The following MTFR1 variants were observed in gnomAD, a reference collection of about 807,000 sequenced individuals.
MTFR1 encodes chondrocyte protein with a poly-proline region.
In MTFR1, 28 loss-of-function variants were observed where a neutral mutation model predicts 38.8. The observed-to-expected ratio is 0.72, with a 90% CI of 0.53 to 0.99. The LOEUF (loss-of-function observed/expected upper bound fraction) is 0.99, where lower values mean the gene tolerates loss of function less well. Among genes scored for constraint, MTFR1 ranks in the 50% least tolerant of loss-of-function variants. The pLI, the probability that MTFR1 is intolerant of heterozygous loss-of-function variation, is 0.00. For missense variants in MTFR1, 358 were observed against 395.5 expected, an observed-to-expected ratio of 0.91 and a Z score of 0.81; for synonymous variants, 145 against 137.0, an observed-to-expected ratio of 1.06 and a Z score of -0.41.
intron 2 of MTFR1, among the ~76,000 whole-genome samples, chr8:65,678,972 A>G (rs1804799721): frequency 6.6e-6 from 1 of 152,234 alleles, no homozygotes; most frequent in African/African-American, 2.4e-5. Context: ...AGATGGAAAC[A>G]TAATAGTTGA....
chr8:65,755,410 T>G (rs1359033204), intron 3 of MTFR1, among the ~76,000 whole-genome samples: 1 of 152,210 alleles, frequency 6.6e-6, no homozygotes, highest in Non-Finnish European at 1.5e-5. Context: ...TTTGTGTATT[T>G]TTAAATTTAC....
At chr8:65,689,100 G>A (rs1805193644) in intron 3 of MTFR1, among the ~76,000 whole-genome samples, 1 of 152,160 alleles carries the variant, frequency 6.6e-6, no homozygotes, top group African/African-American at 2.4e-5. Context: ...AACTGAGATT[G>A]CGCCACTGCA....
rs192343978 is a variant in MTFR1 at position 65,701,290 on chromosome 8, T to A, written c.282-3404T>A. On this transcript the variant is annotated intron_variant, in intron 4 of 7. Transcript: ENST00000262146. The stretch of plus-strand genomic sequence containing the variant: ...GAGACCTGTCTCAGATACTTTTTGG[T>A]TTATAAGTCTTTGGATAAATATACA... Among the ~76,000 whole-genome samples the A allele has an allele frequency of 1.8e-3, 272 of 152,332 alleles. 4 individuals carry two copies. Among genetic ancestry groups the A allele is most frequent in the Non-Finnish European group, 2.2e-4 (15 of 68,030 alleles).
At chr8:65,722,073 A>C (rs1806402526) in intron 3 of MTFR1, 1 of 152,182 alleles carries the variant, frequency 6.6e-6, no homozygotes, top group Non-Finnish European at 1.5e-5. Flanking sequence ...TACAAGTATG[A>C]GCTACCGCTC....
intron 4 of MTFR1, among the ~76,000 whole-genome samples, chr8:65,699,686 A>G (rs1041216081): frequency 2.6e-5 from 4 of 151,976 alleles, no homozygotes; most frequent in African/African-American, 9.7e-5. Context: ...GGATCTCTAC[A>G]CGCTGCTCTG....
At chr8:65,695,735 A>G (rs1805423185) in intron 4 of MTFR1, among the ~76,000 whole-genome samples, 1 of 152,096 alleles carries the variant, frequency 6.6e-6, no homozygotes, top group South Asian at 2.1e-4. Flanking sequence ...GGAATATATT[A>G]TGTTTGAGTT....
intron 3 of MTFR1, among the ~76,000 whole-genome samples, chr8:65,692,884 T>C (rs1442551477): frequency 6.6e-6 from 1 of 151,052 alleles, no homozygotes; most frequent in Non-Finnish European, 1.5e-5. Flanking sequence ...GTTGGTCTTT[T>C]GCTTGTTCTT....
chr8:65,774,758 A>G (rs1173644098), downstream of MTFR1, among the ~76,000 whole-genome samples: 1 of 152,026 alleles, frequency 6.6e-6, no homozygotes, highest in Non-Finnish European at 1.5e-5. Flanking sequence ...TAACATAAAT[A>G]ACATTTTTAT....
intron 3 of MTFR1, chr8:65,734,712 G>GTAA (rs1164756495): frequency 5.2e-6 from 4 of 774,352 alleles, no homozygotes; most frequent in African/African-American, 5.1e-5. Context: ...AGTCAAAGCA[G>GTAA]TAACTTCAGG....
rs989981391 is a variant in MTFR1, at chr8:65,708,229, A to T, written c.933+218A>T. 3 of 963,284 alleles carry T rather than the reference A, an allele frequency of 3.1e-6. No individual in the cohort carries two copies. In the Admixed American group the frequency reaches 8.8e-5, roughly 28 times the overall value. The allele number at this position is 963,284 out of a possible 1,614,324, so 59.7% of individuals were successfully genotyped here. A position where few individuals can be genotyped will look rare whatever the true frequency, so the allele number is the denominator to read the frequency against. The stretch of plus-strand genomic sequence containing the variant: ...TTTTACTTTTCTAACTATGAAAATA[A>T]TAGTTGTTCATTTGGAAATTTGAAA... On this transcript the variant is annotated intron_variant, in intron 7 of 7. Coordinates refer to ENST00000262146, the MANE Select transcript of MTFR1 (RefSeq NM_014637.4).
chr8:65,729,287 C>T (rs569219186), intron 3 of MTFR1, among the ~76,000 whole-genome samples: 16 of 149,168 alleles, frequency 1.1e-4, no homozygotes, highest in Non-Finnish European at 2.1e-4. Context: ...CAGTGAAAAG[C>T]TTACTGTTTT....
rs567763378 is a variant in MTFR1, at chr8:65,725,837, A to G, written c.*48+6356A>G. Among the ~76,000 whole-genome samples, 5 of 152,318 alleles carry G rather than the reference A, an allele frequency of 3.3e-5. No individual in the cohort carries two copies. The South Asian group carries it at 1.0e-3, about 32-fold the overall frequency. On this transcript the variant is annotated intron_variant, in intron 3 of 3. Coordinates refer to the MTFR1 transcript ENST00000521247. ...CATGATTTTTAAAAAGGGAATAATG[A>G]AGCAAACATTTTAATCTGTCTTAAT...
intron 1 of MTFR1, among the ~76,000 whole-genome samples, chr8:65,663,545 AAAG>A (rs1219529883): frequency 2.0e-5 from 3 of 151,748 alleles, no homozygotes; most frequent in Admixed American, 6.6e-5. Context: ...AAAAAAAAAA[AAAG>A]AGCAAAAGAC....
chr8:65,693,740 G>T lies in MTFR1; in HGVS notation c.262G>T (p.Glu88Ter), dbSNP rs1422299991. Residue 88 changes from glutamate to a stop codon, truncating the protein, a stop_gained, in exon 4 of 8, where the codon GAG becomes TAG. Coordinates refer to ENST00000262146, the MANE Select transcript of MTFR1 (RefSeq NM_014637.4). LOFTEE classifies it high-confidence loss of function. ...TGGATGGGTAGCCAAAGAAGAAGGA[G>T]AGTGTTCAGCAAGACTAAGGTTAGT... is the stretch of plus-strand genomic sequence containing the variant. ...DVGWVAKEEG[E>*]CSARLRTEVR... The T allele has an allele frequency of 6.2e-7, 1 of 1,614,062 alleles. No homozygotes were observed. Among genetic ancestry groups the T allele is most frequent in the East Asian group, 2.2e-5 (1 of 44,880 alleles).
At chr8:65,747,878 AGTTAT>A (rs1563485534) in intron 3 of MTFR1, 2 of 800,234 alleles carry the variant, frequency 2.5e-6, no homozygotes, top group East Asian at 5.6e-5. Context: ...TACCACTTTT[AGTTAT>A]GTACAAGTAT....
At chr8:65,688,855 T>C (rs1805182451) in intron 3 of MTFR1, among the ~76,000 whole-genome samples, 2 of 152,040 alleles carry the variant, frequency 1.3e-5, no homozygotes, top group African/African-American at 2.4e-5. Flanking sequence ...TAAGAATATG[T>C]ATATGTGGGC....
At chr8:65,708,601 T>A (rs1357122405) in intron 7 of MTFR1, among the ~76,000 whole-genome samples, 1 of 152,194 alleles carries the variant, frequency 6.6e-6, no homozygotes. Flanking sequence ...GGCGTGTGTG[T>A]GCTAATCTAT....
At chr8:65,667,474 C>CTGGA (rs1319604871) in intron 1 of MTFR1, among the ~76,000 whole-genome samples, 1 of 151,914 alleles carries the variant, frequency 6.6e-6, no homozygotes, top group Non-Finnish European at 1.5e-5. Flanking sequence ...GTCACCCAGG[C>CTGGA]TGGAGTTCAG....
intron 1 of MTFR1, among the ~76,000 whole-genome samples, chr8:65,649,527 A>G (rs974773552): frequency 2.6e-5 from 4 of 152,080 alleles, no homozygotes; most frequent in African/African-American, 9.7e-5. Context: ...TAATAGGTAT[A>G]TGTATTTATG....
Sources: allele counts gnomAD v4.1 joint callset (sites outside exome capture counted in the v4.1 genomes callset), GRCh38; gene constraint gnomAD v4.1.1; transcripts MANE v1.5; gene names NCBI Gene and HGNC (gene_info 2026-07-23, HGNC 2026-07-21).